Variants in ITGAL observed in about 807,000 individuals in gnomAD.
The protein encoded by ITGAL is integrin subunit alpha L.
Under a neutral mutation model 138.4 loss-of-function variants are expected in ITGAL, and 68 were observed. That is an observed-to-expected ratio of 0.49 (90% CI 0.40 to 0.60). The LOEUF (loss-of-function observed/expected upper bound fraction) is 0.60, where lower values mean the gene tolerates loss of function less well. Among genes scored for constraint, ITGAL ranks in the 20% least tolerant of loss-of-function variants. The pLI is 0.00. For missense variants in ITGAL, 1,256 were observed against 1,478.6 expected, an observed-to-expected ratio of 0.85 and a Z score of 2.47; for synonymous variants, 561 against 584.3, an observed-to-expected ratio of 0.96 and a Z score of 0.57.
chr16:30,483,936 G>T lies in ITGAL; in HGVS notation c.832G>T (p.Asp278Tyr). 6.2e-7 allele frequency: 1 copy of T among 1,613,774 alleles called. No individual in the cohort carries two copies. Reference protein sequence around the residue: ...TDSGNIDAAKDIIRYIIGIGK... With the variant: ...TDSGNIDAAKYIIRYIIGIGK... The stretch of plus-strand genomic sequence containing the variant: ...CAGTGGCAACATCGATGCGGCCAAA[G>T]ACATCATCCGCTACATCATCGGGGT... The change falls in exon 8 of 31, where the codon GAC becomes TAC. Residue 278 changes from aspartate (D) to tyrosine (Y), a missense_variant. Physicochemically the swap from Asp to Tyr is radical, Grantham distance 160. Around this residue, in one of 3 missense-constraint regions of ITGAL, gnomAD observed 177 missense variants for 288.8 expected, o/e 0.61. Coordinates refer to ENST00000356798, the MANE Select transcript of ITGAL (RefSeq NM_002209.3).
In ITGAL at chr16:30,506,848, A is replaced by T; in HGVS notation, c.2500A>T (p.Met834Leu). 1 of 1,613,844 alleles carries T rather than the reference A, an allele frequency of 6.2e-7. No homozygotes were observed. Among genetic ancestry groups the T allele is most frequent in the Non-Finnish European group, 8.5e-7 (1 of 1,179,838 alleles). Residue 834 changes from methionine to leucine, a missense_variant, in exon 21 of 31, where the codon ATG becomes TTG. By Grantham distance (15) the Met-to-Leu change is conservative (BLOSUM62 2). This residue lies in a region of ITGAL where 867 missense variants were observed against 972.5 expected (regional missense o/e 0.89). Transcript: ENST00000356798. ...PPGLSFRKVE[M>L]LKPHSQIPVS... ...GGGACTCTCCTTCCGCAAGGTGGAG[A>T]TGCTGAAGGTGGGTGAGAGGACAGC...
Position 30,494,789 on chromosome 16 carries a change from G to A in ITGAL, c.1442G>A (p.Gly481Asp). 1 of 1,613,374 alleles carries A rather than the reference G, an allele frequency of 6.2e-7. No homozygotes were observed. The highest frequency in any genetic ancestry group is 1.1e-5 in the South Asian group (1 of 91,036). Residue 481 changes from glycine to aspartate, a missense_variant, in exon 13 of 31, where the codon GGT (glycine) becomes GAT (aspartate). Gly to Asp is a moderately conservative substitution (Grantham distance 94). Transcript: ENST00000356798. This position sits in a 1 kb window ranked among gnomAD's most constrained non-coding sequence, Gnocchi z 4.2. ...GGGGAGACAGAGCTGCTGCTGATTG[G>A]TGCCCCACTGTTCTATGGGGAGCAG... is the stretch of plus-strand genomic sequence containing the variant. ...QDGETELLLI[G>D]APLFYGEQRG...
intron 7 of ITGAL, among the ~76,000 whole-genome samples, chr16:30,482,833 C>CT (rs941765858): frequency 7.4e-5 from 11 of 148,264 alleles, no homozygotes; most frequent in East Asian, 5.9e-4. Context: ...TTTTCTTTTT[C>CT]TTTTTTTTTT....
rs750684201 is a variant in ITGAL at position 30,496,051 on chromosome 16, G to A, written c.1504-46G>A. 9 of 1,444,346 alleles carry A rather than the reference G, an allele frequency of 6.2e-6. No individual in the cohort carries two copies. In the South Asian group the frequency reaches 9.1e-5, roughly 15 times the overall value. The allele number at this position is 1,444,346 out of a possible 1,614,324, so 89.5% of individuals were successfully genotyped here. ...TTCTTCACTCAGTTGTTCTGTGACA[G>A]CATGCTGAGTGACTTGGGTGTGACC... On this transcript the variant is annotated intron_variant, in intron 13 of 30. Coordinates refer to ENST00000356798, the MANE Select transcript of ITGAL (RefSeq NM_002209.3).
At chr16:30,491,230 G>A (rs1307225065) in intron 11 of ITGAL, among the ~76,000 whole-genome samples, 2 of 151,138 alleles carry the variant, frequency 1.3e-5, no homozygotes, top group Non-Finnish European at 2.9e-5. Context: ...GTGAAAGTCC[G>A]TCTCTATAAA....
intron 17 of ITGAL, among the ~76,000 whole-genome samples, chr16:30,500,051 TTTTATATTA>T (rs1351973065): frequency 2.3e-5 from 3 of 132,196 alleles, no homozygotes; most frequent in African/African-American, 8.6e-5. Context: ...TCCTGGCCTA[TTTTATATTA>T]TTTATTTATT....
chr16:30,521,652 G>A lies in ITGAL; in HGVS notation c.3500G>A (p.Gly1167Asp). Residue 1167 changes from glycine to aspartate, a missense_variant, in exon 31 of 31, where the codon GGT (glycine) becomes GAT (aspartate). Around this residue, in one of 3 missense-constraint regions of ITGAL, gnomAD observed 867 missense variants for 972.5 expected, o/e 0.89. Transcript: ENST00000356798. The part of the protein sequence containing the change: ...PLHEKDSESG[G>D]GKD Reference sequence around the variant, plus strand: ...CATGAGAAGGACTCTGAGAGTGGTGGTGGCAAGGACTGAGTCCAGGCCTGT... The same window carrying A: ...CATGAGAAGGACTCTGAGAGTGGTGATGGCAAGGACTGAGTCCAGGCCTGT... 6.2e-7 allele frequency: 1 copy of A among 1,613,878 alleles called. No individual in the cohort carries two copies. Among genetic ancestry groups the A allele is most frequent in the Non-Finnish European group, 8.5e-7 (1 of 1,180,020 alleles).
chr16:30,514,766 A>G (rs1345599511), intron 25 of ITGAL, among the ~76,000 whole-genome samples: 3 of 151,816 alleles, frequency 2.0e-5, no homozygotes, highest in African/African-American at 7.3e-5. Context: ...CATCCTGCCC[A>G]GTCTCCAAAC....
At chr16:30,487,625 T>C (rs1257500472) in intron 9 of ITGAL, among the ~76,000 whole-genome samples, 1 of 151,908 alleles carries the variant, frequency 6.6e-6, no homozygotes. Flanking sequence ...TTGGCCAGGC[T>C]GGTCTTGAAC....
intron 29 of ITGAL, among the ~76,000 whole-genome samples, chr16:30,519,272 C>T (rs1321625726): frequency 6.6e-6 from 1 of 151,842 alleles, no homozygotes; most frequent in Non-Finnish European, 1.5e-5. Flanking sequence ...GTACTCAGTG[C>T]CTCGGGAGGC....
At chr16:30,482,413 C>T (rs1281686871) in intron 7 of ITGAL, among the ~76,000 whole-genome samples, 1 of 152,048 alleles carries the variant, frequency 6.6e-6, no homozygotes, top group Non-Finnish European at 1.5e-5. Flanking sequence ...GACTTGGAGA[C>T]CATAGTGAGG....
In ITGAL at chr16:30,472,820, C is replaced by G; in HGVS notation, c.-18C>G. On this transcript the variant is annotated 5_prime_UTR_variant, in exon 1 of 31. Coordinates refer to ENST00000356798, the MANE Select transcript of ITGAL (RefSeq NM_002209.3). ...TGACGCTGCCCCTGGGGCCACAGGTCCCTCGAGTGCTGGAAGGATGAAGGA... is the reference window on the plus strand; with the variant it reads ...TGACGCTGCCCCTGGGGCCACAGGTGCCTCGAGTGCTGGAAGGATGAAGGA... 4 of 1,611,168 alleles carry G rather than the reference C, an allele frequency of 2.5e-6. No homozygotes were observed. Among genetic ancestry groups the G allele is most frequent in the Non-Finnish European group, 3.4e-6 (4 of 1,179,036 alleles).
At chr16:30,481,726 A>G in intron 7 of ITGAL, 142 bp downstream of exon 7, 1 of 703,320 alleles carries the variant, frequency 1.4e-6, no homozygotes. Flanking sequence ...GAACAATTTT[A>G]CTGCAGATTC....
At chr16:30,500,382 G>A (rs1053964960) in intron 17 of ITGAL, among the ~76,000 whole-genome samples, 7 of 151,564 alleles carry the variant, frequency 4.6e-5, no homozygotes, top group African/African-American at 1.5e-4. Flanking sequence ...CACTGCCCCC[G>A]GCCATATTTT....
At chr16:30,497,379 T>C (rs1189034062) in intron 15 of ITGAL, among the ~76,000 whole-genome samples, 2 of 150,804 alleles carry the variant, frequency 1.3e-5, no homozygotes. Flanking sequence ...TGGTGGCTCA[T>C]GTGGGTAATC....
intron 24 of ITGAL, among the ~76,000 whole-genome samples, chr16:30,513,363 A>G (rs2051117698): frequency 6.6e-6 from 1 of 152,190 alleles, no homozygotes. Flanking sequence ...GCCAATGCTG[A>G]GCAGGTGAGT....
chr16:30,517,909 C>G lies in ITGAL; in HGVS notation c.3132+14C>G, dbSNP rs1188930867. On this transcript the variant is annotated intron_variant, in intron 28 of 30. Transcript: ENST00000356798. ...GGAGAGATCGAGGTAGTCCCCGCTC[C>G]TAAGAGATGTGGAGCTGCTGTGGGG... 6.2e-7 allele frequency: 1 copy of G among 1,612,190 alleles called. No homozygotes were observed. The highest frequency in any genetic ancestry group is 1.1e-5 in the South Asian group (1 of 91,038).
intron 2 of ITGAL, among the ~76,000 whole-genome samples, chr16:30,475,038 T>C (rs1425006504): frequency 6.6e-6 from 1 of 152,046 alleles, no homozygotes; most frequent in Non-Finnish European, 1.5e-5. Context: ...GTTGTATTTT[T>C]AGTAGAGACG....
In ITGAL at chr16:30,494,814, G is replaced by A; in HGVS notation, c.1467G>A (p.Gln489=). The change falls in exon 13 of 31, where the codon CAG becomes CAA. Residue 489 remains glutamine, a synonymous_variant. Transcript: ENST00000356798. The surrounding 1 kb of genome is among the most constrained non-coding windows in gnomAD (Gnocchi z 4.2). ...LIGAPLFYGE[Q]RGGRVFIYQR... ...GTGCCCCACTGTTCTATGGGGAGCA[G>A]AGAGGAGGCCGGGTGTTTATCTACC... The A allele has an allele frequency of 6.2e-7, 1 of 1,609,522 alleles. No individual in the cohort carries two copies. Among genetic ancestry groups the A allele is most frequent in the Non-Finnish European group, 8.5e-7 (1 of 1,176,640 alleles).
Sources: gnomAD v4.1 joint callset for allele counts (sites outside exome capture counted in the v4.1 genomes callset) on GRCh38, gnomAD v4.1.1 for gene constraint, gnomAD v4.1.1 regional missense constraint, Gnocchi (gnomAD v3.1) non-coding constraint, MANE v1.5 for transcripts, NCBI Gene and HGNC (gene_info 2026-07-23, HGNC 2026-07-21) for gene names.